The following RGMB variants were observed in gnomAD, a reference collection of about 807,000 sequenced individuals.
RGMB encodes repulsive guidance molecule B.
RGMB carries 16 observed loss-of-function variants against 26.9 expected under a neutral mutation model. That is an observed-to-expected ratio of 0.60 (90% CI 0.40 to 0.90). RGMB has a LOEUF of 0.90. Among genes scored for constraint, RGMB ranks in the 40% least tolerant of loss-of-function variants. The probability of loss-of-function intolerance (pLI) is 0.00; values close to 1 mark genes in which losing one functional copy is unlikely to be tolerated. For missense variants in RGMB, 512 were observed against 573.3 expected, an observed-to-expected ratio of 0.89 and a Z score of 1.09; for synonymous variants, 225 against 229.3, an observed-to-expected ratio of 0.98 and a Z score of 0.17.
chr5:98,777,759 C>CT (rs1746462755), intron 1 of RGMB, among the ~76,000 whole-genome samples: 1 of 152,186 alleles, frequency 6.6e-6, no homozygotes, highest in African/African-American at 2.4e-5. Flanking sequence ...ACTGGAGCTA[C>CT]TTTTGTCAGC....
chr5:98,773,612 G>T, upstream of RGMB: 1 of 269,650 alleles, frequency 3.7e-6, no homozygotes, highest in Non-Finnish European at 6.9e-6. Flanking sequence ...GCACAGGGCG[G>T]GGCGGGACGG....
intron 2 of RGMB, among the ~76,000 whole-genome samples, chr5:98,783,841 C>T (rs982142471): frequency 3.9e-5 from 6 of 152,156 alleles, no homozygotes; most frequent in African/African-American, 1.4e-4. Flanking sequence ...CCTAAACAAA[C>T]AATGGAAATG....
At chr5:98,778,987 C>T (rs1336268718) in intron 1 of RGMB, among the ~76,000 whole-genome samples, 3 of 150,748 alleles carry the variant, frequency 2.0e-5, no homozygotes, top group East Asian at 1.9e-4. Context: ...TCTTGGTAAA[C>T]GTGCCTCAGG....
rs79967086 is a variant in RGMB at position 98,791,216 on chromosome 5, G to A, written c.646-1869G>A. ...ATCAAGTTGTGGCTCAGGGTAATTA[G>A]GAAGGGAGAAAACCCAGCATTTTCA... On this transcript the variant is annotated intron_variant, in intron 2 of 2. Coordinates refer to ENST00000513185, the MANE Select transcript of RGMB (RefSeq NM_001366508.1). Among the ~76,000 whole-genome samples, 1,188 of 152,284 alleles carry A rather than the reference G, an allele frequency of 7.8e-3. 6 individuals are homozygous for A. The highest frequency in any genetic ancestry group is 0.013 in the Admixed American group (193 of 15,292).
intron 1 of RGMB, among the ~76,000 whole-genome samples, chr5:98,777,512 G>T (rs1242288118): frequency 6.6e-6 from 1 of 152,168 alleles, no homozygotes; most frequent in Non-Finnish European, 1.5e-5. Context: ...TGTGATGGAA[G>T]AACAACAAGT....
At chr5:98,768,774 T>G (rs1180651731), upstream of RGMB, 1 of 152,312 alleles carries the variant, frequency 6.6e-6, no homozygotes, top group Non-Finnish European at 1.5e-5. Flanking sequence ...GATTCCTTAT[T>G]TCGGCGAAAG....
chr5:98,776,595 T>A (rs1048330596), intron 1 of RGMB, among the ~76,000 whole-genome samples: 3 of 152,228 alleles, frequency 2.0e-5, no homozygotes, highest in African/African-American at 7.2e-5. Context: ...GGGTGTATGC[T>A]ACAAATTAGT....
At chr5:98,777,485 TAAGAG>T (rs756193238) in intron 1 of RGMB, among the ~76,000 whole-genome samples, 47 of 152,300 alleles carry the variant, frequency 3.1e-4, no homozygotes, top group Non-Finnish European at 5.6e-4. Flanking sequence ...AGTTAGGAAA[TAAGAG>T]GAGACGTGAC....
In RGMB at chr5:98,779,808, C is replaced by G. The variant is rs1392009942; in HGVS notation, c.365C>G (p.Ser122Cys). Residue 122 changes from serine to cysteine, a missense_variant, in exon 2 of 3, where the codon TCC (serine) becomes TGC (cysteine). Coordinates refer to ENST00000513185, the MANE Select transcript of RGMB (RefSeq NM_001366508.1). ...ISDLMSQRNC[S>C]KDGPTSSTNP... ...GACCTCATGAGCCAGAGGAATTGTT[C>G]CAAGGATGGACCCACATCCTCTACC... 2 of 1,614,012 alleles carry G rather than the reference C, an allele frequency of 1.2e-6. No individual in the cohort carries two copies. The highest frequency in any genetic ancestry group is 1.7e-6 in the Non-Finnish European group (2 of 1,179,894).
chr5:98,780,146 T>G, intron 2 of RGMB, 58 bp downstream of exon 2: 4 of 1,500,538 alleles, frequency 2.7e-6, no homozygotes, highest in Non-Finnish European at 3.6e-6. Context: ...TGTTTGATTC[T>G]TCAGATAACT....
intron 2 of RGMB, 118 bp downstream of exon 2, chr5:98,780,206 A>G: frequency 2.3e-6 from 2 of 869,940 alleles, no homozygotes; most frequent in Non-Finnish European, 3.5e-6. Context: ...TCTTTTGAAA[A>G]GCAATTAACA....
chr5:98,795,380 C>G lies in RGMB; in HGVS notation c.*1627C>G, dbSNP rs975629389. ...GTTACTTTTGCCATGTCCTATTGAT[C>G]AGTGACACTGCCAGAGGCCCATACC... On this transcript the variant is annotated 3_prime_UTR_variant, in exon 3 of 3. Transcript: ENST00000513185. 1 of 152,218 alleles carries G rather than the reference C, an allele frequency of 6.6e-6. No homozygotes were observed. Among genetic ancestry groups the G allele is most frequent in the Admixed American group, 6.5e-5 (1 of 15,280 alleles). The allele number at this position is 152,218 out of a possible 1,614,324, so 9.4% of individuals were successfully genotyped here.
intron 2 of RGMB, chr5:98,781,162 A>G (rs1317060633): frequency 6.6e-6 from 1 of 152,222 alleles, no homozygotes; most frequent in African/African-American, 2.4e-5. Context: ...CTTTTTAAAT[A>G]AATTAAAGCT....
Position 98,773,678 on chromosome 5 carries a change from C to G in RGMB, c.-393C>G. On this transcript the variant is annotated 5_prime_UTR_variant, in exon 1 of 3. Transcript: ENST00000513185. Reference sequence around the variant, plus strand: ...GGGCTGCCGCGCAGAGATATCCGGGCCGCCGGTGGGTGGTCGCTAGGGCTG... The same window carrying G: ...GGGCTGCCGCGCAGAGATATCCGGGGCGCCGGTGGGTGGTCGCTAGGGCTG... 5.6e-6 allele frequency: 2 copies of G among 357,352 alleles called. No homozygotes were observed. The highest frequency in any genetic ancestry group is 1.0e-5 in the Non-Finnish European group (2 of 199,840). The allele number at this position is 357,352 out of a possible 1,614,324, so 22.1% of individuals were successfully genotyped here.
intron 2 of RGMB, among the ~76,000 whole-genome samples, chr5:98,789,477 T>C: frequency 6.9e-6 from 1 of 144,136 alleles, no homozygotes; most frequent in East Asian, 1.9e-4. Context: ...TCATTTAATA[T>C]GTTTTTTTTT....
chr5:98,782,808 C>T (rs1488935420), intron 2 of RGMB, among the ~76,000 whole-genome samples: 1 of 152,230 alleles, frequency 6.6e-6, no homozygotes, highest in Non-Finnish European at 1.5e-5. Flanking sequence ...AGCAAGCCGT[C>T]TTCAAGCCCA....
chr5:98,777,451 T>A (rs1746452320), intron 1 of RGMB, among the ~76,000 whole-genome samples: 1 of 152,220 alleles, frequency 6.6e-6, no homozygotes, highest in Non-Finnish European at 1.5e-5. Context: ...AGTCTTTTTT[T>A]CAGCCATCAA....
chr5:98,774,228 G>T (rs1164436521), intron 1 of RGMB, 22 bp downstream of exon 1: 5 of 1,401,416 alleles, frequency 3.6e-6, no homozygotes, highest in Non-Finnish European at 4.6e-6. Flanking sequence ...GCGCGCGAGG[G>T]GAGCCAGCCC....
intron 1 of RGMB, 67 bp downstream of exon 1, chr5:98,774,273 G>A: frequency 7.5e-7 from 1 of 1,329,292 alleles, no homozygotes. Flanking sequence ...ATAGCCCCAG[G>A]TCTCGAAGGC....
Sources: allele counts gnomAD v4.1 joint callset (sites outside exome capture counted in the v4.1 genomes callset), GRCh38; gene constraint gnomAD v4.1.1; transcripts MANE v1.5; gene names NCBI Gene and HGNC (gene_info 2026-07-23, HGNC 2026-07-21).